APOO: variants seen among roughly 807,000 people sequenced by gnomAD.
The protein encoded by APOO is MICOS complex subunit MIC26.
A neutral mutation model predicts 23.1 loss-of-function variants in APOO; 11 were observed. The observed-to-expected ratio is 0.48, with a 90% confidence interval of 0.30 to 0.79. The LOEUF (loss-of-function observed/expected upper bound fraction) is 0.79, where lower values mean the gene tolerates loss of function less well. Ranked by LOEUF, APOO falls within the 30% of genes least tolerant of loss-of-function variation. The pLI is 0.07. For missense variants in APOO, 160 were observed against 142.7 expected (o/e 1.12, Z -0.62); for synonymous variants, 59 against 54.8 (o/e 1.08, Z -0.34).
chrX:23,835,444 G>A (rs1055301069), intron 8 of APOO, among the ~76,000 whole-genome samples: 1 of 111,774 alleles, frequency 8.9e-6, no homozygotes, highest in Non-Finnish European at 1.9e-5. Context: ...TCTTAAACAT[G>A]TAAACTACTA....
At chrX:23,881,899 G>T (rs1926156484) in intron 1 of APOO, among the ~76,000 whole-genome samples, 1 of 84,521 alleles carries the variant, frequency 1.2e-5, no homozygotes, top group Non-Finnish European at 2.1e-5. Context: ...AGTGAACCAA[G>T]ATTGTGCCAC....
intron 8 of APOO, chrX:23,837,420 A>C: frequency 1.9e-6 from 1 of 532,489 alleles, no homozygotes; most frequent in Non-Finnish European, 3.0e-6. Flanking sequence ...GCTACTCAGA[A>C]GGGTGAAGTG....
At chrX:23,887,229 C>CTTTTTTTTT (rs765596270) in intron 1 of APOO, among the ~76,000 whole-genome samples, 21 of 54,227 alleles carry the variant, frequency 3.9e-4, no homozygotes, top group East Asian at 1.6e-3. Flanking sequence ...TTCTTTTTCC[C>CTTTTTTTTT]TTTTTTTTTT....
At chrX:23,844,446 G>T (rs1447517212) in intron 7 of APOO, among the ~76,000 whole-genome samples, 1 of 111,031 alleles carries the variant, frequency 9.0e-6, no homozygotes, top group East Asian at 2.8e-4. Context: ...GGATTATCTG[G>T]GTGGGCTTGA....
chrX:23,862,890 A>G (rs1925142575), intron 5 of APOO, among the ~76,000 whole-genome samples: 3 of 36,312 alleles, frequency 8.3e-5, no homozygotes, highest in Admixed American at 4.3e-4. Context: ...ATGGAAGGGG[A>G]GGGAGGAGGG....
At chrX:23,851,569 A>G (rs1487237295) in intron 7 of APOO, among the ~76,000 whole-genome samples, 1 of 112,617 alleles carries the variant, frequency 8.9e-6, no homozygotes, top group Non-Finnish European at 1.9e-5. Context: ...TAAACTATAC[A>G]TATGTTATAT....
chrX:23,901,749 C>T (rs958995363), intron 1 of APOO, among the ~76,000 whole-genome samples: 1 of 112,229 alleles, frequency 8.9e-6, no homozygotes, highest in African/African-American at 3.2e-5. Flanking sequence ...AAGCACTGTT[C>T]TAAGCTTTGC....
intron 4 of APOO, among the ~76,000 whole-genome samples, chrX:23,870,894 G>A (rs1476803132): frequency 1.8e-5 from 2 of 110,798 alleles, no homozygotes; most frequent in Non-Finnish European, 3.8e-5. Context: ...TTCGAGACCA[G>A]CTTGACCAAC....
chrX:23,903,546 T>C lies in APOO; in HGVS notation c.9+4148A>G, dbSNP rs749677464. ...CTGACACTCTTCTGGTATCCTGAAA[T>C]AAAATTCATCACTAAGTTACATGCA... On this transcript the variant is annotated intron_variant, in intron 1 of 8. Coordinates refer to ENST00000379226, the MANE Select transcript of APOO (RefSeq NM_024122.5). Among the ~76,000 whole-genome samples the C allele has an allele frequency of 4.0e-4, 45 of 111,424 alleles. 1 individual carries two copies. The highest frequency in any genetic ancestry group is 1.5e-3 in the African/African-American group (45 of 30,691).
chrX:23,841,543 C>G (rs1428994150), intron 7 of APOO, among the ~76,000 whole-genome samples: 1 of 104,678 alleles, frequency 9.6e-6, no homozygotes, highest in African/African-American at 3.5e-5. Flanking sequence ...AGTATATGGT[C>G]ACCACATCCA....
chrX:23,840,414 AAAAG>A, intron 7 of APOO, 37 bp from the exon 8 acceptor site: 1 of 1,151,355 alleles, frequency 8.7e-7, no homozygotes, highest in Non-Finnish European at 1.2e-6. Context: ...ATGCAGTTTG[AAAAG>A]AAATAGTGCA....
Position 23,891,237 on chromosome X carries a change from T to C in APOO, c.10-10285A>G, listed in dbSNP as rs749227778. ...ATTAAAATCTAATTCTTTCTTTTTT[T>C]TTTCTTTCAGACAGAGTCTCGCTCT... On this transcript the variant is annotated intron_variant, in intron 1 of 8. Coordinates refer to ENST00000379226, the MANE Select transcript of APOO (RefSeq NM_024122.5). Among the ~76,000 whole-genome samples, 3 of 110,943 alleles carry C rather than the reference T, an allele frequency of 2.7e-5. No individual in the cohort carries two copies. The East Asian group carries it at 8.5e-4, about 31-fold the overall frequency.
intron 4 of APOO, among the ~76,000 whole-genome samples, chrX:23,873,758 T>C (rs1925722910): frequency 1.8e-5 from 2 of 111,850 alleles, no homozygotes; most frequent in Non-Finnish European, 3.8e-5. Context: ...TGTTCTATCA[T>C]GGAAACAAAC....
intron 1 of APOO, among the ~76,000 whole-genome samples, chrX:23,894,881 G>A (rs1275496163): frequency 7.3e-5 from 8 of 110,280 alleles, no homozygotes; most frequent in African/African-American, 2.3e-4. Context: ...TCGGTGGCTC[G>A]AGCCTGTAAT....
At chrX:23,851,327 G>A (rs995763464) in intron 7 of APOO, among the ~76,000 whole-genome samples, 7 of 110,740 alleles carry the variant, frequency 6.3e-5, no homozygotes, top group Non-Finnish European at 9.5e-5. Flanking sequence ...CGAGTAGCTG[G>A]GATTACAGGC....
chrX:23,900,709 G>A (rs1379635357), intron 1 of APOO, among the ~76,000 whole-genome samples: 3 of 106,434 alleles, frequency 2.8e-5, no homozygotes, highest in African/African-American at 1.0e-4. Context: ...ATCTCAACAA[G>A]GTCGCTCAGC....
chrX:23,889,086 G>A (rs937489343), intron 1 of APOO, among the ~76,000 whole-genome samples: 5 of 109,674 alleles, frequency 4.6e-5, no homozygotes, highest in Non-Finnish European at 9.5e-5. Context: ...AGGATGCAGT[G>A]AGCTATAATC....
Position 23,860,259 on chromosome X carries a change from C to G in APOO, c.389-1526G>C, listed in dbSNP as rs148446943. ...TGGAGATGGCAACCAGGGAGCAAGA[C>G]AAGGGCACAGGACAAACGCAAGTCC... On this transcript the variant is annotated intron_variant, in intron 5 of 8. Transcript: ENST00000379226. Among the ~76,000 whole-genome samples, 8 of 110,820 alleles carry G rather than the reference C, an allele frequency of 7.2e-5. No individual in the cohort carries two copies. In the East Asian group the frequency reaches 2.0e-3, roughly 28 times the overall value.
intron 1 of APOO, among the ~76,000 whole-genome samples, chrX:23,901,030 T>C (rs1284577705): frequency 8.9e-6 from 1 of 112,440 alleles, no homozygotes; most frequent in Admixed American, 9.5e-5. Flanking sequence ...AATTTACAGA[T>C]GATTTTCCTT....
Sources: allele counts gnomAD v4.1 joint callset (sites outside exome capture counted in the v4.1 genomes callset), GRCh38; gene constraint gnomAD v4.1.1; transcripts MANE v1.5; gene names NCBI Gene and HGNC (gene_info 2026-07-23, HGNC 2026-07-21).